NYAP2: variants seen among roughly 807,000 people sequenced by gnomAD.
The protein encoded by NYAP2 is neuronal tyrosine-phosphorylated phosphoinositide-3-kinase adapter 2.
A neutral mutation model predicts 50.4 loss-of-function variants in NYAP2; 23 were observed. The observed-to-expected ratio is 0.46, with a 90% CI of 0.33 to 0.65. The LOEUF (loss-of-function observed/expected upper bound fraction) is 0.65. Among genes scored for constraint, NYAP2 ranks in the 30% least tolerant of loss-of-function variants. The pLI is 0.02. For missense variants in NYAP2, 885 were observed against 861.0 expected, an observed-to-expected ratio of 1.03 and a Z score of -0.35; for synonymous variants, 394 against 365.2, an observed-to-expected ratio of 1.08 and a Z score of -0.90.
At chr2:225,655,065 C>G (rs542937477), downstream of NYAP2, among the ~76,000 whole-genome samples, 5 of 152,300 alleles carry the variant, frequency 3.3e-5, no homozygotes, top group East Asian at 9.7e-4. Context: ...CAGCCCACCA[C>G]CAGAGGTGGT....
chr2:225,670,245 G>T, the NYAP2 span, among the ~76,000 whole-genome samples: 5 of 152,110 alleles, frequency 3.3e-5, no homozygotes, highest in Non-Finnish European at 7.4e-5. Context: ...AACCAAAGAG[G>T]CAGGTTTAAC....
intron 4 of NYAP2, among the ~76,000 whole-genome samples, chr2:225,551,475 A>T (rs922458345): frequency 1.3e-5 from 2 of 152,226 alleles, no homozygotes; most frequent in African/African-American, 4.8e-5. Flanking sequence ...CAGCTATACC[A>T]CATGGAGCAG....
chr2:225,405,919 A>G (rs937112461), intron 2 of NYAP2, among the ~76,000 whole-genome samples: 18 of 151,932 alleles, frequency 1.2e-4, no homozygotes. Flanking sequence ...TAAACATTGT[A>G]CTCACCTTTG....
At chr2:225,495,172 C>A (rs946831084) in intron 3 of NYAP2, among the ~76,000 whole-genome samples, 1 of 152,034 alleles carries the variant, frequency 6.6e-6, no homozygotes, top group African/African-American at 2.4e-5. Flanking sequence ...ACAGCTTAAA[C>A]CTGAGTATAA....
At chr2:225,503,399 T>C (rs1234396669) in intron 3 of NYAP2, among the ~76,000 whole-genome samples, 2 of 152,214 alleles carry the variant, frequency 1.3e-5, no homozygotes, top group African/African-American at 4.8e-5. Context: ...GTTTTAATTT[T>C]AGATTCCAAA....
At chr2:225,475,672 G>T (rs982188413) in intron 3 of NYAP2, among the ~76,000 whole-genome samples, 5 of 152,140 alleles carry the variant, frequency 3.3e-5, no homozygotes, top group African/African-American at 1.2e-4. Flanking sequence ...TCAGAAATCA[G>T]ATATTTTGCA....
chr2:225,428,230 C>T (rs1312933990), intron 3 of NYAP2, among the ~76,000 whole-genome samples: 1 of 152,102 alleles, frequency 6.6e-6, no homozygotes, highest in Non-Finnish European at 1.5e-5. Flanking sequence ...TCATTTTTGT[C>T]CCAGTCATAG....
chr2:225,667,473 G>A, the NYAP2 span, among the ~76,000 whole-genome samples: 2 of 152,098 alleles, frequency 1.3e-5, no homozygotes, highest in African/African-American at 4.8e-5. Context: ...ATGATTAGGG[G>A]ATGAAGAGCA....
In NYAP2 at chr2:225,653,112, T is replaced by C. The variant is rs375663176; in HGVS notation, c.*1547T>C. ...TAAGATAAACTGCCAACTTAGCTAA[T>C]TAAAGCTATTCCAAAAATATTGTAC... On this transcript the variant is annotated 3_prime_UTR_variant, in exon 7 of 7. Coordinates refer to ENST00000636099, the Ensembl canonical transcript of NYAP2. 3 of 152,322 alleles carry C rather than the reference T, an allele frequency of 2.0e-5. No individual in the cohort carries two copies. The East Asian group carries it at 5.8e-4, about 29-fold the overall frequency. The allele number at this position is 152,322 out of a possible 1,614,324, so 9.4% of individuals were successfully genotyped here.
chr2:225,538,834 CTTTCTTTCTTTCT>C (rs1559208714), intron 4 of NYAP2, among the ~76,000 whole-genome samples: 42 of 61,774 alleles, frequency 6.8e-4, no homozygotes, highest in Admixed American at 2.8e-3. Flanking sequence ...TTCTTTCTTT[CTTTCTTTCTTTCT>C]TTGTTTTTAT....
intron 3 of NYAP2, among the ~76,000 whole-genome samples, chr2:225,511,285 T>C (rs576667043): frequency 3.1e-4 from 47 of 149,694 alleles, no homozygotes; most frequent in African/African-American, 1.1e-3. Context: ...ACCACTCTGT[T>C]TGGATAAGCT....
intron 6 of NYAP2, among the ~76,000 whole-genome samples, chr2:225,646,815 A>G (rs1693642993): frequency 6.6e-6 from 1 of 152,122 alleles, no homozygotes; most frequent in Non-Finnish European, 1.5e-5. Flanking sequence ...AGTGATTTAT[A>G]TTGCAGTGCC....
rs114445261 is a variant in NYAP2, at chr2:225,578,300, T to G, written c.524-3641T>G. ...GACTGGAGGGGAAATTGCTTGAACTTTATGAATCTGCCTGCATTAGGCTCT... is the reference window on the plus strand; with the variant it reads ...GACTGGAGGGGAAATTGCTTGAACTGTATGAATCTGCCTGCATTAGGCTCT... On this transcript the variant is annotated intron_variant, in intron 4 of 6. Transcript: ENST00000636099. Among the ~76,000 whole-genome samples, 556 of 152,034 alleles carry G rather than the reference T, an allele frequency of 3.7e-3. 3 individuals carry two copies. Among genetic ancestry groups the G allele is most frequent in the African/African-American group, 0.013 (541 of 41,436 alleles).
At chr2:225,426,675 G>C (rs1695293024) in intron 3 of NYAP2, among the ~76,000 whole-genome samples, 1 of 152,082 alleles carries the variant, frequency 6.6e-6, no homozygotes, top group South Asian at 2.1e-4. Context: ...GATTCTTTTG[G>C]CTTGCATATT....
At chr2:225,482,289 C>T (rs181868209) in intron 3 of NYAP2, among the ~76,000 whole-genome samples, 92 of 152,202 alleles carry the variant, frequency 6.0e-4, no homozygotes, top group African/African-American at 2.2e-3. Flanking sequence ...GCTGCCCTCA[C>T]CTCCTTTATT....
At chr2:225,614,369 T>C (rs868727316) in intron 5 of NYAP2, among the ~76,000 whole-genome samples, 3 of 152,320 alleles carry the variant, frequency 2.0e-5, no homozygotes, top group African/African-American at 7.2e-5. Flanking sequence ...AAAAACTATT[T>C]GAAAATTTTG....
At chr2:225,651,589 A>C in exon 7 of NYAP2, 1 of 1,612,858 alleles carries the variant, frequency 6.2e-7, no homozygotes, top group Non-Finnish European at 8.5e-7. Context: ...AACTTGCCAA[A>C]TGCTTCCCAC....
intron 6 of NYAP2, among the ~76,000 whole-genome samples, chr2:225,646,806 G>A (rs537925228): frequency 8.2e-4 from 125 of 152,310 alleles, no homozygotes; most frequent in African/African-American, 2.8e-3. Flanking sequence ...TGGGTGGTTA[G>A]TGATTTATAT....
intron 3 of NYAP2, among the ~76,000 whole-genome samples, chr2:225,492,200 G>A (rs1291446382): frequency 1.3e-5 from 2 of 152,186 alleles, no homozygotes; most frequent in East Asian, 3.8e-4. Flanking sequence ...GTTGATTGTA[G>A]GAAGCATCTA....
Sources: gnomAD v4.1 joint callset for allele counts (sites outside exome capture counted in the v4.1 genomes callset) on GRCh38, gnomAD v4.1.1 for gene constraint, MANE v1.5 for transcripts, NCBI Gene and HGNC (gene_info 2026-07-23, HGNC 2026-07-21) for gene names.